Variants in MCTP1 observed in about 807,000 individuals in gnomAD.
MCTP1 encodes the protein multiple C2 and transmembrane domain-containing protein 1.
In MCTP1, 69 loss-of-function variants were observed where a neutral mutation model predicts 120.6. That is an observed-to-expected ratio of 0.57 (90% CI 0.47 to 0.70). The LOEUF (loss-of-function observed/expected upper bound fraction) is 0.70, where lower values mean the gene tolerates loss of function less well. Ranked by LOEUF, MCTP1 falls within the 30% of genes least tolerant of loss-of-function variation. The pLI, the probability that MCTP1 is intolerant of heterozygous loss-of-function variation, is 0.00. For missense variants in MCTP1, 1,203 were observed against 1,248.8 expected (o/e 0.96, Z 0.55); for synonymous variants, 529 against 493.1 (o/e 1.07, Z -0.96).
intron 12 of MCTP1, 39 bp from the exon 13 acceptor site, chr5:94,873,280 G>A (rs946334306): frequency 1.7e-6 from 2 of 1,169,972 alleles, no homozygotes; most frequent in African/African-American, 3.0e-5. Context: ...AGTGTACATA[G>A]CACCCACAGT....
intron 1 of MCTP1, among the ~76,000 whole-genome samples, chr5:95,024,859 CAAG>C (rs1838937424): frequency 6.6e-6 from 1 of 152,006 alleles, no homozygotes; most frequent in African/African-American, 2.4e-5. Context: ...GTAGGTTAAT[CAAG>C]AAGGTGAAAG....
chr5:94,809,021 T>C (rs775215893), intron 17 of MCTP1, among the ~76,000 whole-genome samples: 2 of 152,010 alleles, frequency 1.3e-5, no homozygotes, highest in Non-Finnish European at 2.9e-5. Flanking sequence ...CTTGACTCTA[T>C]CTATTAAAGA....
chr5:94,754,339 A>T (rs996394549), intron 19 of MCTP1, among the ~76,000 whole-genome samples: 9 of 152,356 alleles, frequency 5.9e-5, no homozygotes, highest in African/African-American at 2.2e-4. Context: ...GGAAAAATAC[A>T]TCATTTCCTC....
At chr5:95,024,672 CA>C in intron 1 of MCTP1, among the ~76,000 whole-genome samples, 1 of 151,842 alleles carries the variant, frequency 6.6e-6, no homozygotes, top group African/African-American at 2.4e-5. Context: ...CACACACACA[CA>C]CACACCCCTA....
At position 94,909,364 on chromosome 5, in the gene MCTP1, C is replaced by A; in HGVS notation, c.1539G>T (p.Leu513Phe). 6.3e-7 allele frequency: 1 copy of A among 1,584,334 alleles called. No individual in the cohort carries two copies. The highest frequency in any genetic ancestry group is 1.9e-5 in the Admixed American group (1 of 52,392). ...KYKSKIMPKT[L>F]NPQWREQFDF... Reference sequence around the variant, plus strand: ...CAAATTGTTCCCTCCACTGAGGATTCAACGTTTTTGGCATAATCTGGAAAA... The same window carrying A: ...CAAATTGTTCCCTCCACTGAGGATTAAACGTTTTTGGCATAATCTGGAAAA... The change falls in exon 10 of 23, where the codon TTG (leucine) becomes TTT (phenylalanine). Residue 513 changes from leucine (L) to phenylalanine (F), a missense_variant. Leu to Phe is a conservative substitution (Grantham distance 22). This residue lies in a region of MCTP1 where 740 missense variants were observed against 871.1 expected (regional missense o/e 0.85). Transcript: ENST00000515393.
intron 10 of MCTP1, among the ~76,000 whole-genome samples, chr5:94,901,506 G>A (rs1429284790): frequency 6.6e-6 from 1 of 152,004 alleles, no homozygotes; most frequent in South Asian, 2.1e-4. Flanking sequence ...CACTGTCTGG[G>A]ATGGTACCTC....
chr5:94,707,629 C>T (rs1166884543), intron 22 of MCTP1, 62 bp from the exon 23 acceptor site: 20 of 1,260,008 alleles, frequency 1.6e-5, no homozygotes, highest in Non-Finnish European at 2.2e-5. Flanking sequence ...AAGAAAGGAA[C>T]AGCAAAGGAA....
chr5:94,721,961 A>G (rs1561528398), intron 19 of MCTP1, among the ~76,000 whole-genome samples: 1 of 151,674 alleles, frequency 6.6e-6, no homozygotes, highest in East Asian at 1.9e-4. Flanking sequence ...TTGCACAACT[A>G]TTTCTAATGA....
intron 19 of MCTP1, among the ~76,000 whole-genome samples, chr5:94,726,520 A>T (rs1032099769): frequency 5.3e-5 from 8 of 152,208 alleles, no homozygotes; most frequent in African/African-American, 1.9e-4. Flanking sequence ...TTCTTTTATT[A>T]TGATTATGTC....
chr5:94,839,629 AG>A (rs1368193189), intron 17 of MCTP1, among the ~76,000 whole-genome samples: 1 of 152,216 alleles, frequency 6.6e-6, no homozygotes, highest in African/African-American at 2.4e-5. Context: ...GGTCCCTCTC[AG>A]GCTGGGCCCA....
At position 94,858,789 on chromosome 5, in the gene MCTP1, A is replaced by C. The variant is rs1357981340; in HGVS notation, c.2436+9544T>G. Among the ~76,000 whole-genome samples the C allele has an allele frequency of 2.0e-5, 3 of 151,590 alleles. No homozygotes were observed. The East Asian group carries it at 5.8e-4, about 29-fold the overall frequency. ...CATCTGCACCATTAAAAGCCCACAC[A>C]ATCTCCACCTTTTAGGCTCCTTATC... On this transcript the variant is annotated intron_variant, in intron 17 of 22. Coordinates refer to ENST00000515393, the MANE Select transcript of MCTP1 (RefSeq NM_024717.7).
chr5:95,084,239 T>TA (rs964101506), intron 1 of MCTP1, among the ~76,000 whole-genome samples: 1 of 152,098 alleles, frequency 6.6e-6, no homozygotes, highest in Admixed American at 6.6e-5. Context: ...ATGTTACATT[T>TA]AAAAAAAATT....
At chr5:94,808,536 CTCCCT>C (rs1462601252) in intron 17 of MCTP1, among the ~76,000 whole-genome samples, 2 of 152,146 alleles carry the variant, frequency 1.3e-5, no homozygotes, top group African/African-American at 4.8e-5. Flanking sequence ...AGTGGCATCT[CTCCCT>C]TCTCTTAATT....
intron 1 of MCTP1, among the ~76,000 whole-genome samples, chr5:95,121,936 C>CAAAAAAAA (rs70978167): frequency 8.9e-6 from 1 of 112,730 alleles, no homozygotes; most frequent in Non-Finnish European, 1.8e-5. Flanking sequence ...TATCCATATG[C>CAAAAAAAA]AAAAAAAAAA....
chr5:94,759,972 G>GTTTTT (rs369341021), intron 19 of MCTP1, among the ~76,000 whole-genome samples: 9 of 115,444 alleles, frequency 7.8e-5, no homozygotes, highest in African/African-American at 2.6e-4. Context: ...ACTGTTGAGG[G>GTTTTT]TTTTTTTTTT....
chr5:94,984,553 T>A (rs928258987), intron 2 of MCTP1, among the ~76,000 whole-genome samples: 2 of 152,132 alleles, frequency 1.3e-5, no homozygotes, highest in African/African-American at 4.8e-5. Context: ...GATGTTATAA[T>A]AATAACATAA....
intron 17 of MCTP1, among the ~76,000 whole-genome samples, chr5:94,840,748 G>A (rs1034096978): frequency 6.6e-6 from 1 of 152,158 alleles, no homozygotes; most frequent in Non-Finnish European, 1.5e-5. Flanking sequence ...AAGTACTCTT[G>A]TAAGAATGAA....
intron 1 of MCTP1, among the ~76,000 whole-genome samples, chr5:95,122,018 A>AT (rs1758283704): frequency 6.6e-6 from 1 of 152,020 alleles, no homozygotes; most frequent in Middle Eastern, 3.2e-3. Flanking sequence ...TAAAAATTAA[A>AT]TCTAAGACCT....
chr5:94,909,596 A>G (rs940131325), intron 9 of MCTP1, among the ~76,000 whole-genome samples: 29 of 152,118 alleles, frequency 1.9e-4, no homozygotes, highest in African/African-American at 6.8e-4. Context: ...ATGTGTCCTG[A>G]AAATCACAAG....
Sources: allele counts gnomAD v4.1 joint callset (sites outside exome capture counted in the v4.1 genomes callset), GRCh38; gene constraint gnomAD v4.1.1; regional missense constraint gnomAD v4.1.1; transcripts MANE v1.5; gene names NCBI Gene and HGNC (gene_info 2026-07-23, HGNC 2026-07-21).